ARHGEF4: variants seen among roughly 807,000 people sequenced by gnomAD.
ARHGEF4 encodes Rho guanine nucleotide exchange factor 4, also known as APC-stimulated guanine nucleotide exchange factor 1.
In ARHGEF4, 119 loss-of-function variants were observed where a neutral mutation model predicts 162.0. That is an observed-to-expected ratio of 0.73 (90% CI 0.63 to 0.86). The LOEUF (loss-of-function observed/expected upper bound fraction) is 0.86. Among genes scored for constraint, ARHGEF4 ranks in the 40% least tolerant of loss-of-function variants. The pLI is 0.00. For synonymous variants in ARHGEF4, 1,014 were observed against 979.9 expected (o/e 1.03, Z -0.65); for missense variants, 2,488 against 2,456.0 (o/e 1.01, Z -0.28).
intron 1 of ARHGEF4, among the ~76,000 whole-genome samples, chr2:130,895,844 G>A (rs1180336829): frequency 6.6e-6 from 1 of 152,014 alleles, no homozygotes; most frequent in Non-Finnish European, 1.5e-5. Flanking sequence ...TTTGTATGAA[G>A]TTCAGTTTTC....
chr2:131,011,870 G>A (rs1444671331), intron 4 of ARHGEF4: 5 of 705,930 alleles, frequency 7.1e-6, no homozygotes, highest in Admixed American at 6.0e-5. Context: ...CGTGAAGTGT[G>A]GGGGCGGCGG....
rs1174584668 is a variant in ARHGEF4 at position 131,046,836 on chromosome 2, G to A, written c.*647G>A. 1 of 152,668 alleles carries A rather than the reference G, an allele frequency of 6.6e-6. No individual in the cohort carries two copies. The highest frequency in any genetic ancestry group is 2.4e-5 in the African/African-American group (1 of 41,448). 9.5% of individuals were successfully genotyped at this position (152,668 alleles called of 1,614,324 possible). ...CGGAAAAGGACAAGACGGTGCAGTC[G>A]GCTGCATACTCCCAGTCGGGAGTGT... is the stretch of plus-strand genomic sequence containing the variant. On this transcript the variant is annotated 3_prime_UTR_variant, in exon 14 of 14. Coordinates refer to ENST00000409359, the MANE Select transcript of ARHGEF4 (RefSeq NM_001367493.1).
chr2:131,023,918 T>A (rs1689305678), intron 4 of ARHGEF4, among the ~76,000 whole-genome samples: 1 of 152,182 alleles, frequency 6.6e-6, no homozygotes, highest in Non-Finnish European at 1.5e-5. Context: ...TGGAATTCCA[T>A]GGAATGACAT....
At chr2:131,009,729 A>G (rs1484000296) in intron 4 of ARHGEF4, among the ~76,000 whole-genome samples, 1 of 152,028 alleles carries the variant, frequency 6.6e-6, no homozygotes, top group African/African-American at 2.4e-5. Context: ...GCCATTTCCT[A>G]TTTCTTCATG....
chr2:131,020,202 A>ATTTG (rs1689020671), intron 4 of ARHGEF4, among the ~76,000 whole-genome samples: 3 of 151,940 alleles, frequency 2.0e-5, no homozygotes, highest in Non-Finnish European at 2.9e-5. Flanking sequence ...TATTTTATTT[A>ATTTG]TTATACTTTA....
intron 4 of ARHGEF4, among the ~76,000 whole-genome samples, chr2:130,984,004 G>A (rs1158844252): frequency 1.3e-5 from 2 of 152,250 alleles, no homozygotes; most frequent in African/African-American, 4.8e-5. Context: ...AACAATAAGT[G>A]TACATACAAA....
At chr2:131,039,072 TA>T in intron 6 of ARHGEF4, 40 bp downstream of exon 6, 1 of 1,561,980 alleles carries the variant, frequency 6.4e-7, no homozygotes. Context: ...GTTGGGCCCA[TA>T]AAAAGCTACC....
intron 1 of ARHGEF4, among the ~76,000 whole-genome samples, chr2:130,842,906 C>T (rs951005955): frequency 3.3e-5 from 5 of 152,122 alleles, no homozygotes; most frequent in African/African-American, 1.2e-4. Flanking sequence ...CCAGCTTGTG[C>T]AGGGATGAAG....
chr2:130,897,248 G>A (rs1680214288), intron 1 of ARHGEF4, among the ~76,000 whole-genome samples: 1 of 152,212 alleles, frequency 6.6e-6, no homozygotes, highest in Admixed American at 6.5e-5. Flanking sequence ...GTGGATAAGT[G>A]AACAGCCAGT....
chr2:130,981,059 C>G (rs1686083563), intron 4 of ARHGEF4, among the ~76,000 whole-genome samples: 1 of 152,154 alleles, frequency 6.6e-6, no homozygotes, highest in African/African-American at 2.4e-5. Flanking sequence ...TATTTCTGTT[C>G]AGAACTTAAG....
chr2:130,927,889 C>A (rs1198341402), intron 2 of ARHGEF4, among the ~76,000 whole-genome samples: 1 of 152,114 alleles, frequency 6.6e-6, no homozygotes, highest in African/African-American at 2.4e-5. Context: ...GCCATCTTGT[C>A]CAGAATTGGA....
intron 2 of ARHGEF4, among the ~76,000 whole-genome samples, chr2:130,918,076 G>A (rs1417633432): frequency 6.6e-6 from 1 of 151,962 alleles, no homozygotes; most frequent in Non-Finnish European, 1.5e-5. Context: ...CGCCTCGGCC[G>A]GCACTGCCCA....
At chr2:131,028,520 A>G (rs1689628313) in intron 5 of ARHGEF4, among the ~76,000 whole-genome samples, 1 of 152,220 alleles carries the variant, frequency 6.6e-6, no homozygotes, top group Non-Finnish European at 1.5e-5. Flanking sequence ...ACAGGAGTTC[A>G]GAAGTATTGC....
intron 4 of ARHGEF4, among the ~76,000 whole-genome samples, chr2:131,021,708 T>C (rs941897511): frequency 1.3e-5 from 2 of 152,230 alleles, no homozygotes; most frequent in South Asian, 2.1e-4. Context: ...CTATGTTGAA[T>C]AGAAGTGGAG....
Position 130,951,686 on chromosome 2 carries a change from G to T in ARHGEF4, c.3985+5051G>T, listed in dbSNP as rs911200423. ...TAATTTTATTAATGATTCTTTCACT[G>T]TATTTTTTGAGATTTGTTTTTAATG... On this transcript the variant is annotated intron_variant, in intron 4 of 13. Transcript: ENST00000409359. 4.6e-5 allele frequency among the ~76,000 whole-genome samples: 7 copies of T among 152,062 alleles called. No individual in the cohort carries two copies. In the South Asian group the frequency reaches 1.2e-3, roughly 27 times the overall value.
intron 1 of ARHGEF4, among the ~76,000 whole-genome samples, chr2:130,843,122 C>T (rs1270184507): frequency 3.9e-5 from 6 of 152,122 alleles, no homozygotes; most frequent in Non-Finnish European, 8.8e-5. Context: ...GCCAGATTTT[C>T]GGTTATATTG....
In ARHGEF4 at chr2:130,916,134, G is replaced by T; in HGVS notation, c.2188G>T (p.Glu730Ter). The T allele has an allele frequency of 6.5e-7, 1 of 1,549,494 alleles. No homozygotes were observed. The highest frequency in any genetic ancestry group is 8.7e-7 in the Non-Finnish European group (1 of 1,146,896). The stretch of plus-strand genomic sequence containing the variant: ...TGCTTCGGAAGAGACGCCGAGCACA[G>T]AGGAGCCCCCGGGAGAGAGACTGCG... ...QAASEETPST[E>*]EPPGERLRGE... Residue 730 changes from glutamate to a stop codon, truncating the protein, a stop_gained, in exon 2 of 14, where the codon GAG becomes TAG. Transcript: ENST00000409359. LOFTEE classifies it high-confidence loss of function.
At position 130,916,460 on chromosome 2, in the gene ARHGEF4, C is replaced by T; in HGVS notation, c.2514C>T (p.Pro838=). The T allele has an allele frequency of 1.3e-6, 2 of 1,542,514 alleles. No homozygotes were observed. Among genetic ancestry groups the T allele is most frequent in the South Asian group, 1.2e-5 (1 of 83,836 alleles). ...GPEGLPRENP[P]AAAGRDAPPL... is the part of the protein sequence containing the mutation. ...AGGGGCTCCCCAGGGAGAATCCGCC[C>T]GCTGCGGCCGGTCGGGACGCACCGC... The change falls in exon 2 of 14, where the codon CCC becomes CCT. Residue 838 remains proline (P), a synonymous_variant. Coordinates refer to ENST00000409359, the MANE Select transcript of ARHGEF4 (RefSeq NM_001367493.1).
intron 1 of ARHGEF4, among the ~76,000 whole-genome samples, chr2:130,863,045 C>A (rs1574113787): frequency 1.5e-4 from 2 of 13,072 alleles, no homozygotes; most frequent in Non-Finnish European, 1.1e-4. Context: ...GGCAACCTAG[C>A]AAGACTCCAA....
Sources: allele counts gnomAD v4.1 joint callset (sites outside exome capture counted in the v4.1 genomes callset), GRCh38; gene constraint gnomAD v4.1.1; transcripts MANE v1.5; gene names NCBI Gene and HGNC (gene_info 2026-07-23, HGNC 2026-07-21).